ASPRV1: variants seen among roughly 807,000 people sequenced by gnomAD.
ASPRV1 encodes the protein aspartic peptidase retroviral like 1, also known as retroviral-like aspartic protease 1.
Under a neutral mutation model 11.0 loss-of-function variants are expected in ASPRV1, and 7 were observed. The observed-to-expected ratio is 0.64, with a 90% CI of 0.36 to 1.20. The LOEUF is 1.20. ASPRV1 is among the 50% of genes most tolerant of loss of function. The pLI is 0.02. For missense variants in ASPRV1, 299 were observed against 320.0 expected, an observed-to-expected ratio of 0.93 and a Z score of 0.50; for synonymous variants, 136 against 138.4, an observed-to-expected ratio of 0.98 and a Z score of 0.12.
At chr2:70,061,415 A>C in the ASPRV1 span, among the ~76,000 whole-genome samples, 10 of 151,928 alleles carry the variant, frequency 6.6e-5, no homozygotes, top group Non-Finnish European at 1.2e-4. Flanking sequence ...AAAAACAAAA[A>C]AAAACCTAGG....
At chr2:69,945,289 CT>C in the ASPRV1 span, among the ~76,000 whole-genome samples, 218 of 152,344 alleles carry the variant, frequency 1.4e-3, no homozygotes, top group African/African-American at 4.8e-3. Context: ...CATGCACCCC[CT>C]GAATCTAAAA....
chr2:69,933,225 C>A, the ASPRV1 span, among the ~76,000 whole-genome samples: 3,999 of 108,056 alleles, frequency 0.037, 188 homozygotes, highest in Admixed American at 0.16. Context: ...AAAAAAAAAA[C>A]AAAAAAAGAA....
chr2:70,021,068 C>A, the ASPRV1 span, among the ~76,000 whole-genome samples: 99 of 152,178 alleles, frequency 6.5e-4, no homozygotes, highest in South Asian at 0.02. Flanking sequence ...GAATGCTCAC[C>A]ATTGCTCCCT....
chr2:69,969,622 C>T, the ASPRV1 span, among the ~76,000 whole-genome samples: 3 of 152,124 alleles, frequency 2.0e-5, no homozygotes, highest in Non-Finnish European at 2.9e-5. Context: ...CAGGGACACC[C>T]CTCTCTGCAC....
At chr2:69,989,533 C>A in the ASPRV1 span, among the ~76,000 whole-genome samples, 2 of 152,200 alleles carry the variant, frequency 1.3e-5, no homozygotes, top group African/African-American at 4.8e-5. Flanking sequence ...GGTCCCTGAG[C>A]CCTTGGACCT....
At chr2:70,004,169 G>A in the ASPRV1 span, among the ~76,000 whole-genome samples, 1 of 152,122 alleles carries the variant, frequency 6.6e-6, no homozygotes, top group African/African-American at 2.4e-5. Context: ...CTTTTCTGTA[G>A]CCTGAAAGTC....
chr2:70,085,910 A>G, the ASPRV1 span: 1 of 152,188 alleles, frequency 6.6e-6, no homozygotes, highest in African/African-American at 2.4e-5. Context: ...AAGTCTAGAA[A>G]AGCAGTAACT....
chr2:69,969,714 T>C, the ASPRV1 span, among the ~76,000 whole-genome samples: 3 of 152,132 alleles, frequency 2.0e-5, no homozygotes, highest in African/African-American at 7.2e-5. Flanking sequence ...GTGAACATGC[T>C]GTCTTCTCAC....
At chr2:70,005,681 T>C in the ASPRV1 span, among the ~76,000 whole-genome samples, 1 of 145,702 alleles carries the variant, frequency 6.9e-6, no homozygotes, top group Non-Finnish European at 1.5e-5. Context: ...TTAGTAAACT[T>C]TGTAGTGTCT....
At chr2:69,934,212 A>G in the ASPRV1 span, among the ~76,000 whole-genome samples, 1 of 152,312 alleles carries the variant, frequency 6.6e-6, no homozygotes, top group South Asian at 2.1e-4. Flanking sequence ...AGTGAATAAT[A>G]TAAACAGTTA....
chr2:70,075,355 A>C, the ASPRV1 span: 2 of 149,362 alleles, frequency 1.3e-5, no homozygotes, highest in Admixed American at 1.3e-4. Context: ...CTCAAAAAAA[A>C]AAAAAAAAAA....
At chr2:70,052,295 C>G in the ASPRV1 span, among the ~76,000 whole-genome samples, 1 of 151,888 alleles carries the variant, frequency 6.6e-6, no homozygotes, top group Non-Finnish European at 1.5e-5. Flanking sequence ...GTATTATATC[C>G]ACTCACTGAA....
the ASPRV1 span, among the ~76,000 whole-genome samples, chr2:70,021,611 C>T: frequency 5.3e-5 from 8 of 151,940 alleles, no homozygotes; most frequent in African/African-American, 1.9e-4. Flanking sequence ...AGCCACCACG[C>T]CCGGCCAAGA....
At chr2:69,965,443 TAAAAAAAAAACA>T (rs71858064), upstream of ASPRV1, among the ~76,000 whole-genome samples, 928 of 146,664 alleles carry the variant, frequency 6.3e-3, 10 homozygotes, top group African/African-American at 0.022. Flanking sequence ...GCTGGTGGGC[TAAAAAAAAAACA>T]AAAACAAAAA....
chr2:70,084,859 G>A, the ASPRV1 span, among the ~76,000 whole-genome samples: 1 of 152,172 alleles, frequency 6.6e-6, no homozygotes, highest in African/African-American at 2.4e-5. Flanking sequence ...CATCGTTGCT[G>A]TTATGTACCT....
the ASPRV1 span, among the ~76,000 whole-genome samples, chr2:69,946,154 C>T: frequency 1.7e-4 from 26 of 152,188 alleles, no homozygotes; most frequent in Admixed American, 6.5e-4. Context: ...AACACACTCG[C>T]CTTGCCACGC....
chr2:69,960,977 G>T lies in ASPRV1; in HGVS notation c.460C>A (p.Pro154Thr). 1 of 1,614,086 alleles carries T rather than the reference G, an allele frequency of 6.2e-7. No individual in the cohort carries two copies. The highest frequency in any genetic ancestry group is 1.1e-5 in the South Asian group (1 of 91,072). ...GCCACCTTTACCACATTCTCAAAGG[G>T]CTGCAGGGTGTCCAGATCGCCATCA... The part of the protein sequence containing the change: ...VTDGDLDTLQ[P>T]FENVVKVANG... Residue 154 changes from proline to threonine, a missense_variant, in exon 1 of 1, where the codon CCC (proline) becomes ACC (threonine). Pro to Thr is a conservative substitution (Grantham distance 38). Transcript: ENST00000320256.
At chr2:70,000,784 G>A in the ASPRV1 span, among the ~76,000 whole-genome samples, 1,792 of 59,410 alleles carry the variant, frequency 0.03, 158 homozygotes, top group Admixed American at 0.27. Context: ...GCAAGACCCT[G>A]CCTCAAAAAA....
At chr2:69,935,562 C>T in the ASPRV1 span, 1 of 786,044 alleles carries the variant, frequency 1.3e-6, no homozygotes, top group Non-Finnish European at 2.2e-6. Context: ...CTGAACTCCT[C>T]CAGTCTAGCT....
Sources: gnomAD v4.1 joint callset for allele counts (sites outside exome capture counted in the v4.1 genomes callset) on GRCh38, gnomAD v4.1.1 for gene constraint, MANE v1.5 for transcripts, NCBI Gene and HGNC (gene_info 2026-07-23, HGNC 2026-07-21) for gene names.